COL6A5: variants seen among roughly 807,000 people sequenced by gnomAD.
COL6A5 encodes collagen alpha-5(VI) chain.
In COL6A5, 48 loss-of-function variants were observed where a neutral mutation model predicts 65.6. The observed-to-expected ratio is 0.73, with a 90% CI of 0.58 to 0.93. COL6A5 has a LOEUF of 0.93. Ranked by LOEUF, COL6A5 falls within the 40% of genes least tolerant of loss-of-function variation. COL6A5 has a pLI of 0.00. For missense variants in COL6A5, 914 were observed against 928.3 expected, an observed-to-expected ratio of 0.98 and a Z score of 0.20; for synonymous variants, 291 against 322.8, an observed-to-expected ratio of 0.90 and a Z score of 1.05.
chr3:130,371,022 A>G (rs1162885028), intron 1 of COL6A5, among the ~76,000 whole-genome samples: 2 of 151,912 alleles, frequency 1.3e-5, no homozygotes, highest in Non-Finnish European at 2.9e-5. Flanking sequence ...CTAAACATAC[A>G]CCCAACCTAA....
At chr3:130,440,790 C>G in exon 3 of COL6A5, 1 of 1,612,362 alleles carries the variant, frequency 6.2e-7, no homozygotes, top group South Asian at 1.1e-5. Flanking sequence ...AATTATATTG[C>G]GAAGTTCTTA....
chr3:130,387,487 C>T (rs1443148698), intron 5 of COL6A5, among the ~76,000 whole-genome samples: 1 of 152,064 alleles, frequency 6.6e-6, no homozygotes, highest in Non-Finnish European at 1.5e-5. Context: ...TGGTCAAGGC[C>T]ACTCTGTCAA....
At chr3:130,477,227 G>T (rs931910656) in intron 7 of COL6A5, 2 of 627,858 alleles carry the variant, frequency 3.2e-6, no homozygotes, top group African/African-American at 3.7e-5. Flanking sequence ...TGCATATAAA[G>T]CTCAAAGTAC....
In COL6A5 at chr3:130,484,127, C is replaced by T. The variant is rs377054818; in HGVS notation, c.*86C>T. ...GGTTCTAACCAGAATGTATAATCAT[C>T]TGTTAGAGGTACTGTGGTAAATGAC... On this transcript the variant is annotated 3_prime_UTR_variant, in exon 8 of 8. Transcript: ENST00000512836. 6 of 1,409,646 alleles carry T rather than the reference C, an allele frequency of 4.3e-6. No individual in the cohort carries two copies. The African/African-American group carries it at 8.5e-5, about 20-fold the overall frequency. 87.3% of individuals were successfully genotyped at this position (1,409,646 alleles called of 1,614,324 possible).
At chr3:130,470,906 G>A in exon 7 of COL6A5, 1 of 1,612,576 alleles carries the variant, frequency 6.2e-7, no homozygotes, top group African/African-American at 1.3e-5. Context: ...AGATATGAAA[G>A]CCACATGTGT....
chr3:130,480,901 G>A (rs1710221353), intron 7 of COL6A5, among the ~76,000 whole-genome samples: 1 of 152,122 alleles, frequency 6.6e-6, no homozygotes, highest in Non-Finnish European at 1.5e-5. Flanking sequence ...GACAAGGAAG[G>A]AGTGGAAGGC....
chr3:130,360,188 C>T lies in COL6A5; in HGVS notation c.-28-13423C>T, dbSNP rs564295886. On this transcript the variant is annotated intron_variant and NMD_transcript_variant, in intron 1 of 41. Transcript: ENST00000312481. ...GCTCTTCCTAGACATCAACTGCAAA[C>T]GAGCATCTGCTTAGTGTGGCATAAA... Among the ~76,000 whole-genome samples, 373 of 152,200 alleles carry T rather than the reference C, an allele frequency of 2.5e-3. 2 individuals are homozygous for T. The highest frequency in any genetic ancestry group is 0.022 in the South Asian group (106 of 4,820).
rs1025088393 is a variant in COL6A5 at position 130,384,767 on chromosome 3, G to C, written c.1301-37G>C. The C allele has an allele frequency of 1.6e-5, 23 of 1,458,018 alleles. No individual in the cohort carries two copies. The African/African-American group carries it at 2.9e-4, about 18-fold the overall frequency. The allele number at this position is 1,458,018 out of a possible 1,614,324, so 90.3% of individuals were successfully genotyped here. A position where few individuals can be genotyped will look rare whatever the true frequency, so the allele number is the denominator to read the frequency against. ...AAACCCTCTTGCAAAGTTCTCTCTA[G>C]GTTCTCTAATTTACAGAGAATGCAC... On this transcript the variant is annotated intron_variant and NMD_transcript_variant, in intron 4 of 41. Coordinates refer to the COL6A5 transcript ENST00000312481.
intron 4 of COL6A5, 51 bp downstream of exon 36, chr3:130,443,617 G>A (rs1179476145): frequency 8.7e-7 from 1 of 1,153,936 alleles, no homozygotes; most frequent in Middle Eastern, 2.0e-4. Flanking sequence ...TGGCTGATGG[G>A]AGTATAACTG....
intron 4 of COL6A5, among the ~76,000 whole-genome samples, chr3:130,381,001 C>T (rs1935976606): frequency 6.6e-6 from 1 of 152,096 alleles, no homozygotes; most frequent in South Asian, 2.1e-4. Context: ...ATCACCCTCA[C>T]ATCCAGAAAT....
At chr3:130,398,344 G>A (rs2107661173) in intron 10 of COL6A5, among the ~76,000 whole-genome samples, 1 of 152,096 alleles carries the variant, frequency 6.6e-6, no homozygotes, top group South Asian at 2.1e-4. Context: ...GTTAGCTAGG[G>A]TGGTCTTGAT....
chr3:130,480,884 GAAGC>G (rs1315813959), intron 7 of COL6A5, among the ~76,000 whole-genome samples: 1 of 152,056 alleles, frequency 6.6e-6, no homozygotes, highest in Non-Finnish European at 1.5e-5. Context: ...AGTAAGGAAG[GAAGC>G]AAGACAAGGA....
Position 130,447,050 on chromosome 3 carries a change from T to C in COL6A5, c.1332+3484T>C, listed in dbSNP as rs1050222310. Among the ~76,000 whole-genome samples, 4 of 152,192 alleles carry C rather than the reference T, an allele frequency of 2.6e-5. No homozygotes were observed. In the South Asian group the frequency reaches 6.2e-4, roughly 24 times the overall value. ...TCCACCACAGCCTGTCCCTGAGGATTGTAAGCGATTCCAGTAATATGGGAA... is the reference window on the plus strand; with the variant it reads ...TCCACCACAGCCTGTCCCTGAGGATCGTAAGCGATTCCAGTAATATGGGAA... On this transcript the variant is annotated intron_variant, in intron 4 of 7. Transcript: ENST00000512836.
chr3:130,374,385 G>A (rs926347088), intron 2 of COL6A5, among the ~76,000 whole-genome samples: 1 of 151,982 alleles, frequency 6.6e-6, no homozygotes, highest in Non-Finnish European at 1.5e-5. Context: ...ACACAGAAAA[G>A]GCAATACCTT....
rs182979112 is a variant in COL6A5 at position 130,440,524 on chromosome 3, A to G, written c.942A>G (p.Leu314=). ...GAGAAGCAACAATTGGTCGTGCCCT[A>G]CTGTGGACCACTGAAAATCTTTTTC... The change falls in exon 3 of 8, where the codon CTA becomes CTG. Residue 314 remains leucine (L), a synonymous_variant. Transcript: ENST00000512836. 46 of 1,613,696 alleles carry G rather than the reference A, an allele frequency of 2.9e-5. No homozygotes were observed. The East Asian group carries it at 9.4e-4, about 33-fold the overall frequency.
chr3:130,422,187 A>G (rs944546120), intron 27 of COL6A5, among the ~76,000 whole-genome samples: 10 of 152,102 alleles, frequency 6.6e-5, no homozygotes, highest in Admixed American at 5.2e-4. Context: ...AAGGGACAAT[A>G]TAAATCACCA....
chr3:130,428,861 A>G (rs565709684), upstream of COL6A5, among the ~76,000 whole-genome samples: 2 of 152,332 alleles, frequency 1.3e-5, no homozygotes, highest in East Asian at 3.9e-4. Flanking sequence ...GTGCGTTGCC[A>G]GTATTAATAA....
intron 1 of COL6A5, among the ~76,000 whole-genome samples, chr3:130,353,916 A>T (rs1275034566): frequency 1.3e-5 from 2 of 152,030 alleles, no homozygotes; most frequent in East Asian, 3.8e-4. Flanking sequence ...AAAAAGACGC[A>T]TCTTTTAATT....
chr3:130,471,634 A>T (rs1487753351), intron 7 of COL6A5, 48 bp from the exon 40 acceptor site: 2 of 1,503,536 alleles, frequency 1.3e-6, no homozygotes, highest in Non-Finnish European at 1.8e-6. Flanking sequence ...TTAATCTTGC[A>T]GGGGACTTGG....
Sources: allele counts gnomAD v4.1 joint callset (sites outside exome capture counted in the v4.1 genomes callset), GRCh38; gene constraint gnomAD v4.1.1; transcripts MANE v1.5; gene names NCBI Gene and HGNC (gene_info 2026-07-23, HGNC 2026-07-21).